Variants in NBAS observed in about 807,000 individuals in gnomAD.
NBAS encodes the protein NBAS subunit of NRZ tethering complex.
Under a neutral mutation model 302.5 loss-of-function variants are expected in NBAS, and 219 were observed. The observed-to-expected ratio is 0.72, with a 90% CI of 0.65 to 0.81. The LOEUF (loss-of-function observed/expected upper bound fraction) is 0.81. Ranked by LOEUF, NBAS falls within the 30% of genes least tolerant of loss-of-function variation. The pLI is 0.00. For synonymous variants in NBAS, 1,118 were observed against 1,021.6 expected (o/e 1.09, Z -1.80); for missense variants, 2,932 against 2,841.6 (o/e 1.03, Z -0.72).
chr2:15,329,321 A>C (rs960203368), intron 36 of NBAS, among the ~76,000 whole-genome samples: 14 of 152,136 alleles, frequency 9.2e-5, no homozygotes, highest in Non-Finnish European at 1.8e-4. Flanking sequence ...CATTGTTCTT[A>C]GGTCTCCTCT....
At chr2:14,844,813 C>T in the NBAS span, among the ~76,000 whole-genome samples, 1 of 152,224 alleles carries the variant, frequency 6.6e-6, no homozygotes, top group African/African-American at 2.4e-5. Flanking sequence ...ATGAGGCTTC[C>T]CTGCCATTGG....
intron 51 of NBAS, among the ~76,000 whole-genome samples, chr2:15,168,052 G>T (rs573561369): frequency 6.6e-6 from 1 of 151,876 alleles, no homozygotes; most frequent in East Asian, 1.9e-4. Flanking sequence ...CTTTCTCCCT[G>T]GTCTTGTCTT....
At chr2:15,079,152 T>C in the NBAS span, among the ~76,000 whole-genome samples, 1 of 152,014 alleles carries the variant, frequency 6.6e-6, no homozygotes, top group Non-Finnish European at 1.5e-5. Context: ...CTCTGTAAAA[T>C]GATAAAGTAC....
intron 35 of NBAS, among the ~76,000 whole-genome samples, chr2:15,344,280 AAGAG>A (rs1207060829): frequency 2.7e-5 from 4 of 150,526 alleles, no homozygotes; most frequent in African/African-American, 9.7e-5. Context: ...GAATAAGAAA[AAGAG>A]AGAAGAATCA....
At chr2:15,420,345 T>C (rs1677151887) in intron 23 of NBAS, among the ~76,000 whole-genome samples, 1 of 152,208 alleles carries the variant, frequency 6.6e-6, no homozygotes, top group African/African-American at 2.4e-5. Context: ...CTGTCAGCCT[T>C]ACTGAGTGCG....
At chr2:14,797,082 G>A in the NBAS span, among the ~76,000 whole-genome samples, 3 of 133,360 alleles carry the variant, frequency 2.2e-5, no homozygotes, top group South Asian at 2.5e-4. Context: ...GGCACAGAGC[G>A]AGACTCCGTC....
intron 48 of NBAS, among the ~76,000 whole-genome samples, chr2:15,198,406 G>A (rs537591575): frequency 6.6e-6 from 1 of 152,282 alleles, no homozygotes; most frequent in Admixed American, 6.5e-5. Context: ...AAGGGGACAA[G>A]GTGGCACACG....
the NBAS span, among the ~76,000 whole-genome samples, chr2:14,972,924 T>C: frequency 3.9e-5 from 6 of 152,310 alleles, no homozygotes; most frequent in African/African-American, 1.4e-4. Flanking sequence ...TGACAAATGA[T>C]CATTGTGGAA....
chr2:15,038,222 C>G, the NBAS span, among the ~76,000 whole-genome samples: 239 of 150,672 alleles, frequency 1.6e-3, 1 homozygote, highest in African/African-American at 5.7e-3. Flanking sequence ...AAGCAATTCT[C>G]CTGCCTCAGC....
intron 21 of NBAS, among the ~76,000 whole-genome samples, chr2:15,452,119 G>A (rs1368741975): frequency 6.6e-6 from 1 of 152,164 alleles, no homozygotes; most frequent in African/African-American, 2.4e-5. Flanking sequence ...TAGGTGGGAA[G>A]ATGGGGAGAT....
the NBAS span, among the ~76,000 whole-genome samples, chr2:14,991,355 C>G: frequency 5.9e-4 from 90 of 152,206 alleles, no homozygotes; most frequent in Non-Finnish European, 1.1e-3. Flanking sequence ...CTGAAGGACG[C>G]CTTCCTCCCA....
intron 45 of NBAS, among the ~76,000 whole-genome samples, chr2:15,236,364 A>G (rs1667591683): frequency 6.6e-6 from 1 of 151,768 alleles, no homozygotes; most frequent in Admixed American, 6.6e-5. Flanking sequence ...CCTGGGCAAC[A>G]TGGCGAAACT....
intron 44 of NBAS, among the ~76,000 whole-genome samples, chr2:15,240,360 T>C (rs1205691334): frequency 1.4e-5 from 2 of 148,062 alleles, no homozygotes; most frequent in African/African-American, 2.5e-5. Flanking sequence ...CCCAGGACTT[T>C]GGGAGGCCAA....
the NBAS span, among the ~76,000 whole-genome samples, chr2:15,132,531 A>G: frequency 6.6e-6 from 1 of 152,234 alleles, no homozygotes; most frequent in Non-Finnish European, 1.5e-5. Context: ...GCACAAATCC[A>G]TACAATATAC....
At chr2:15,193,136 T>G (rs1404256868) in intron 48 of NBAS, among the ~76,000 whole-genome samples, 1 of 152,174 alleles carries the variant, frequency 6.6e-6, no homozygotes, top group East Asian at 1.9e-4. Flanking sequence ...CTTTCTCACA[T>G]GTAGTCTTTT....
the NBAS span, among the ~76,000 whole-genome samples, chr2:15,045,122 T>C: frequency 1.3e-5 from 2 of 152,242 alleles, no homozygotes; most frequent in African/African-American, 4.8e-5. Context: ...CCAACATTTC[T>C]GAAGCCTGCA....
At chr2:15,466,152 A>G (rs1052696780) in intron 19 of NBAS, among the ~76,000 whole-genome samples, 2 of 152,154 alleles carry the variant, frequency 1.3e-5, no homozygotes, top group African/African-American at 4.8e-5. Flanking sequence ...GTTTAAAAAC[A>G]TTTCAATTAT....
At chr2:15,172,304 G>A (rs372248859) in intron 51 of NBAS, among the ~76,000 whole-genome samples, 2 of 152,148 alleles carry the variant, frequency 1.3e-5, no homozygotes, top group African/African-American at 4.8e-5. Context: ...GTTGTGGGAA[G>A]AATCAATCAT....
At chr2:15,085,233 G>A in the NBAS span, among the ~76,000 whole-genome samples, 50 of 152,278 alleles carry the variant, frequency 3.3e-4, no homozygotes, top group Admixed American at 6.5e-4. Context: ...GGAGGCCCGG[G>A]GTGCAAGTGA....
Sources: allele counts gnomAD v4.1 joint callset (sites outside exome capture counted in the v4.1 genomes callset), GRCh38; gene constraint gnomAD v4.1.1; transcripts MANE v1.5; gene names NCBI Gene and HGNC (gene_info 2026-07-23, HGNC 2026-07-21).